CCDC178: variants seen among roughly 807,000 people sequenced by gnomAD.
CCDC178 encodes coiled-coil domain containing 178.
Under a neutral mutation model 117.4 loss-of-function variants are expected in CCDC178, and 126 were observed. The ratio of observed to expected loss-of-function variants is 1.07; its 90% CI spans 0.93 to 1.24. The LOEUF is 1.24. CCDC178 is among the 50% of genes most tolerant of loss of function. The pLI is 0.00. For synonymous variants in CCDC178, 283 were observed against 313.4 expected, an observed-to-expected ratio of 0.90 and a Z score of 1.02; for missense variants, 1,030 against 986.9, an observed-to-expected ratio of 1.04 and a Z score of -0.59.
At chr18:33,407,613 G>A (rs1485621328) in intron 3 of CCDC178, among the ~76,000 whole-genome samples, 1 of 151,930 alleles carries the variant, frequency 6.6e-6, no homozygotes, top group Non-Finnish European at 1.5e-5. Context: ...AGAAACAACT[G>A]CATATAGAGA....
intron 7 of CCDC178, among the ~76,000 whole-genome samples, chr18:33,356,051 T>C (rs1410371233): frequency 6.6e-6 from 1 of 152,210 alleles, no homozygotes; most frequent in Non-Finnish European, 1.5e-5. Flanking sequence ...AAATTTTTAC[T>C]GGATTCCAGA....
chr18:33,310,956 G>C (rs1319515436), intron 11 of CCDC178, among the ~76,000 whole-genome samples: 1 of 151,880 alleles, frequency 6.6e-6, no homozygotes, highest in South Asian at 2.1e-4. Context: ...ATGATGTCCT[G>C]GCATGTCTCC....
intron 20 of CCDC178, among the ~76,000 whole-genome samples, chr18:33,113,504 A>C (rs771488444): frequency 6.6e-6 from 1 of 151,978 alleles, no homozygotes; most frequent in Non-Finnish European, 1.5e-5. Context: ...CTACTAGATG[A>C]AATTCATTAT....
intron 20 of CCDC178, among the ~76,000 whole-genome samples, chr18:33,201,949 A>C (rs2058993899): frequency 6.6e-6 from 1 of 152,116 alleles, no homozygotes; most frequent in African/African-American, 2.4e-5. Flanking sequence ...CTGTCTTCAA[A>C]TATTTTCTAC....
At chr18:33,087,609 T>C (rs958266013) in intron 21 of CCDC178, among the ~76,000 whole-genome samples, 4 of 151,740 alleles carry the variant, frequency 2.6e-5, no homozygotes, top group Admixed American at 1.3e-4. Context: ...TGTGTTTGCA[T>C]GTCCACATGC....
chr18:32,945,302 A>G (rs1265863153), intron 22 of CCDC178, among the ~76,000 whole-genome samples: 1 of 152,200 alleles, frequency 6.6e-6, no homozygotes, highest in Non-Finnish European at 1.5e-5. Context: ...TTTCTGAAAT[A>G]CACATTTGTG....
intron 2 of CCDC178, among the ~76,000 whole-genome samples, chr18:33,415,707 C>A (rs1490516890): frequency 6.6e-6 from 1 of 151,948 alleles, no homozygotes; most frequent in South Asian, 2.1e-4. Context: ...TTAAAAAAAA[C>A]AGAAATAAAA....
chr18:33,195,370 T>A (rs1374757788), intron 20 of CCDC178, among the ~76,000 whole-genome samples: 1 of 152,058 alleles, frequency 6.6e-6, no homozygotes, highest in Non-Finnish European at 1.5e-5. Flanking sequence ...GAAAATTTGA[T>A]AGGAGAAAGG....
chr18:33,117,395 CT>C (rs1223843652), intron 20 of CCDC178, among the ~76,000 whole-genome samples: 1 of 152,014 alleles, frequency 6.6e-6, no homozygotes, highest in East Asian at 1.9e-4. Context: ...CAAAGCTGAC[CT>C]GGATACAGCC....
At chr18:33,250,138 A>C (rs529917616) in intron 14 of CCDC178, among the ~76,000 whole-genome samples, 2 of 151,982 alleles carry the variant, frequency 1.3e-5, no homozygotes, top group Admixed American at 6.6e-5. Context: ...AAGATGATAT[A>C]AAAACAAAAA....
At chr18:33,337,356 C>G (rs1391718849) in intron 9 of CCDC178, among the ~76,000 whole-genome samples, 2 of 152,074 alleles carry the variant, frequency 1.3e-5, no homozygotes, top group Non-Finnish European at 2.9e-5. Flanking sequence ...CAGCAAACAG[C>G]AGCAGTTTGA....
rs554012706 is a variant in CCDC178 at position 32,968,654 on chromosome 18, A to G, written c.2523+5893T>C. On this transcript the variant is annotated intron_variant, in intron 22 of 22. Transcript: ENST00000383096. ...GATTTATCGTATATATTCTTAAATT[A>G]TAGGCAACTATAATTAAATACTTTT... 7.9e-5 allele frequency among the ~76,000 whole-genome samples: 12 copies of G among 152,202 alleles called. 1 individual carries two copies. Among genetic ancestry groups the G allele is most frequent in the African/African-American group, 2.9e-4 (12 of 41,562 alleles).
intron 21 of CCDC178, among the ~76,000 whole-genome samples, chr18:33,025,737 G>A (rs967587413): frequency 1.3e-5 from 2 of 152,082 alleles, no homozygotes; most frequent in Non-Finnish European, 2.9e-5. Flanking sequence ...ACCAAATGGT[G>A]GTAAGGATGT....
chr18:33,319,288 G>A (rs547346863), intron 11 of CCDC178, among the ~76,000 whole-genome samples: 6 of 151,920 alleles, frequency 3.9e-5, no homozygotes, highest in Admixed American at 2.6e-4. Context: ...GAGAACATGC[G>A]GTGTTTGTTT....
intron 15 of CCDC178, among the ~76,000 whole-genome samples, chr18:33,227,556 GTATATATATATATATATA>G (rs145380258): frequency 2.7e-5 from 3 of 110,934 alleles, no homozygotes; most frequent in African/African-American, 6.8e-5. Flanking sequence ...GTGTGTGTGT[GTATATATATATATATATA>G]TATATACACA....
intron 15 of CCDC178, among the ~76,000 whole-genome samples, chr18:33,227,287 CTTT>C (rs776291370): frequency 7.2e-6 from 1 of 138,810 alleles, no homozygotes; most frequent in Non-Finnish European, 1.6e-5. Flanking sequence ...AGAACAATTC[CTTT>C]TTTTTTTTTT....
chr18:33,176,921 C>T (rs1206818766), intron 20 of CCDC178, among the ~76,000 whole-genome samples: 1 of 152,208 alleles, frequency 6.6e-6, no homozygotes, highest in Non-Finnish European at 1.5e-5. Flanking sequence ...CAGCCAGCCA[C>T]ATCTCACTTA....
chr18:33,327,883 C>T (rs2062606209), intron 10 of CCDC178, among the ~76,000 whole-genome samples: 1 of 151,974 alleles, frequency 6.6e-6, no homozygotes, highest in African/African-American at 2.4e-5. Flanking sequence ...AAGAGTTCCT[C>T]ATATATTCTG....
At chr18:33,369,609 A>G (rs1464539521) in intron 6 of CCDC178, among the ~76,000 whole-genome samples, 1 of 152,076 alleles carries the variant, frequency 6.6e-6, no homozygotes, top group Non-Finnish European at 1.5e-5. Context: ...GGTTAAAAAG[A>G]CATAGAATCA....
Sources: allele counts gnomAD v4.1 joint callset (sites outside exome capture counted in the v4.1 genomes callset), GRCh38; gene constraint gnomAD v4.1.1; transcripts MANE v1.5; gene names NCBI Gene and HGNC (gene_info 2026-07-23, HGNC 2026-07-21).